ATP9B: variants seen among roughly 807,000 people sequenced by gnomAD.
The protein encoded by ATP9B is ATPase phospholipid transporting 9B.
ATP9B carries 110 observed loss-of-function variants against 146.1 expected under a neutral mutation model. The observed-to-expected ratio is 0.75, with a 90% CI of 0.65 to 0.88. ATP9B has a LOEUF of 0.88. ATP9B is among the 40% of genes least tolerant of loss of function. The pLI is 0.00. For missense variants in ATP9B, 1,499 were observed against 1,496.4 expected, an observed-to-expected ratio of 1.00 and a Z score of -0.03; for synonymous variants, 604 against 569.7, an observed-to-expected ratio of 1.06 and a Z score of -0.86.
chr18:79,305,904 C>G (rs1426353125), intron 14 of ATP9B, among the ~76,000 whole-genome samples: 1 of 152,218 alleles, frequency 6.6e-6, no homozygotes, highest in Non-Finnish European at 1.5e-5. Context: ...TATTTCCCCA[C>G]TGGAGGCATT....
intron 13 of ATP9B, among the ~76,000 whole-genome samples, chr18:79,289,643 T>C (rs1381015510): frequency 6.6e-6 from 1 of 152,262 alleles, no homozygotes; most frequent in African/African-American, 2.4e-5. Flanking sequence ...AGCTTTGTTC[T>C]GTTGCTGGTG....
Position 79,347,889 on chromosome 18 carries a change from C to G in ATP9B, c.2802C>G (p.Phe934Leu), listed in dbSNP as rs764301018. The part of the protein sequence containing the change: ...SYKRSAALGQ[F>L]VMHRGLIIST... ...AGAGGTCGGCGGCACTCGGCCAGTT[C>G]GTCATGCACAGGGGCCTTATCATCT... is the stretch of plus-strand genomic sequence containing the variant. The change falls in exon 24 of 30, where the codon TTC (phenylalanine) becomes TTG (leucine). Residue 934 changes from phenylalanine (F) to leucine (L), a missense_variant. By Grantham distance (22) the Phe-to-Leu change is conservative. Transcript: ENST00000426216. 1 of 1,613,486 alleles carries G rather than the reference C, an allele frequency of 6.2e-7. No homozygotes were observed. The highest frequency in any genetic ancestry group is 2.2e-5 in the East Asian group (1 of 44,868).
At chr18:79,152,588 A>G (rs1024867218) in intron 6 of ATP9B, among the ~76,000 whole-genome samples, 2 of 152,208 alleles carry the variant, frequency 1.3e-5, no homozygotes, top group Non-Finnish European at 2.9e-5. Context: ...TCAAAAAGTC[A>G]TGAAAATATT....
At chr18:79,073,697 A>G (rs2072260063) in intron 1 of ATP9B, among the ~76,000 whole-genome samples, 1 of 152,152 alleles carries the variant, frequency 6.6e-6, no homozygotes, top group African/African-American at 2.4e-5. Flanking sequence ...GGAGAGGGTA[A>G]TTCCCTAATT....
At chr18:79,343,439 G>T (rs1270949348) in intron 20 of ATP9B, among the ~76,000 whole-genome samples, 9 of 151,920 alleles carry the variant, frequency 5.9e-5, no homozygotes, top group African/African-American at 1.9e-4. Context: ...CACTTACATT[G>T]GTTTCTGAAA....
At chr18:79,147,549 A>G (rs2094611486) in intron 6 of ATP9B, among the ~76,000 whole-genome samples, 2 of 99,656 alleles carry the variant, frequency 2.0e-5, no homozygotes, top group Admixed American at 1.7e-4. Flanking sequence ...AAACTCTAAA[A>G]CGTGGAAAGT....
chr18:79,129,829 C>A (rs116453577), intron 5 of ATP9B, among the ~76,000 whole-genome samples: 2 of 152,016 alleles, frequency 1.3e-5, no homozygotes, highest in African/African-American at 4.8e-5. Context: ...CTGCAACCTC[C>A]GTCCCCCGGC....
intron 17 of ATP9B, among the ~76,000 whole-genome samples, chr18:79,334,676 C>T (rs536871003): frequency 2.3e-4 from 35 of 152,260 alleles, no homozygotes; most frequent in Non-Finnish European, 3.4e-4. Context: ...ATCCCCCAGA[C>T]GTTGGCCCCT....
chr18:79,359,560 A>G (rs1201302998), intron 26 of ATP9B, 98 bp downstream of exon 26: 1 of 906,382 alleles, frequency 1.1e-6, no homozygotes, highest in Non-Finnish European at 1.8e-6. Flanking sequence ...ATTTCCAGGC[A>G]TTTTGTGAAA....
intron 12 of ATP9B, among the ~76,000 whole-genome samples, chr18:79,263,834 C>T (rs1284571144): frequency 6.6e-6 from 1 of 152,200 alleles, no homozygotes; most frequent in Non-Finnish European, 1.5e-5. Context: ...CCTGTAATCC[C>T]AGCACTTTGG....
intron 5 of ATP9B, among the ~76,000 whole-genome samples, chr18:79,130,472 C>T (rs544817567): frequency 1.3e-5 from 2 of 150,930 alleles, no homozygotes; most frequent in Admixed American, 6.6e-5. Context: ...CAGCATCAAG[C>T]GTACCAAATA....
rs140789853 is a variant in ATP9B, at chr18:79,377,266, C to T, written c.3327C>T (p.Thr1109=). The T allele has an allele frequency of 8.1e-6, 13 of 1,612,268 alleles. No homozygotes were observed. Among genetic ancestry groups the T allele is most frequent in the South Asian group, 2.2e-5 (2 of 91,080 alleles). ...CAACAGATGTTGCCTTTATCACCAC[C>T]GTGACCTTCCTGTGGAAAGTGTCGG... ...GAFLDVAFIT[T]VTFLWKVSAI... is the part of the protein sequence containing the mutation. Residue 1109 remains threonine, a synonymous_variant, in exon 30 of 30, where the codon ACC becomes ACT. Transcript: ENST00000426216.
chr18:79,187,765 C>T (rs2095322047), intron 8 of ATP9B, among the ~76,000 whole-genome samples: 1 of 152,134 alleles, frequency 6.6e-6, no homozygotes, highest in South Asian at 2.1e-4. Context: ...TCAGTTGTTT[C>T]CCATGCATTC....
intron 12 of ATP9B, 70 bp downstream of exon 12, chr18:79,253,611 C>T (rs754791705): frequency 2.3e-5 from 33 of 1,449,542 alleles, no homozygotes; most frequent in Non-Finnish European, 3.0e-5. Flanking sequence ...ATTTATCTTT[C>T]TCAGTATGAA....
chr18:79,302,166 A>G lies in ATP9B; in HGVS notation c.1412-1438A>G, dbSNP rs368446323. Among the ~76,000 whole-genome samples the G allele has an allele frequency of 2.0e-5, 3 of 152,212 alleles. No individual in the cohort carries two copies. In the South Asian group the frequency reaches 6.2e-4, roughly 32 times the overall value. On this transcript the variant is annotated intron_variant, in intron 13 of 29. Transcript: ENST00000426216. ...TATGGTTTTATTGCAGTCAATTGCAATTTTGTGCAATGAATGGCTGTGTCA... is the reference window on the plus strand; with the variant it reads ...TATGGTTTTATTGCAGTCAATTGCAGTTTTGTGCAATGAATGGCTGTGTCA...
At chr18:79,120,872 C>G (rs569869236) in intron 4 of ATP9B, among the ~76,000 whole-genome samples, 2 of 152,278 alleles carry the variant, frequency 1.3e-5, no homozygotes, top group East Asian at 1.9e-4. Flanking sequence ...TAAAAATCTT[C>G]CCTTCATCCA....
intron 13 of ATP9B, among the ~76,000 whole-genome samples, chr18:79,284,817 G>A (rs1033877183): frequency 8.3e-5 from 9 of 108,782 alleles, no homozygotes; most frequent in East Asian, 3.3e-4. Flanking sequence ...TCCCCTTCCC[G>A]TGTCCGTGTG....
chr18:79,347,746 A>C (rs762601000), intron 23 of ATP9B, 24 bp from the exon 24 acceptor site: 1 of 1,504,426 alleles, frequency 6.6e-7, no homozygotes, highest in Non-Finnish European at 8.9e-7. Flanking sequence ...ATGTTTGAAA[A>C]GGCCCCGTGT....
intron 15 of ATP9B, among the ~76,000 whole-genome samples, chr18:79,328,045 G>A (rs966560267): frequency 4.0e-5 from 6 of 148,464 alleles, no homozygotes; most frequent in East Asian, 2.0e-4. Context: ...CGTGGTTAGC[G>A]TGCTCTCTCT....
Sources: gnomAD v4.1 joint callset for allele counts (sites outside exome capture counted in the v4.1 genomes callset) on GRCh38, gnomAD v4.1.1 for gene constraint, MANE v1.5 for transcripts, NCBI Gene and HGNC (gene_info 2026-07-23, HGNC 2026-07-21) for gene names.